Variants in ITGAE observed in about 807,000 individuals in gnomAD.
ITGAE encodes the protein integrin subunit alpha E.
A neutral mutation model predicts 136.5 loss-of-function variants in ITGAE; 99 were observed. The ratio of observed to expected loss-of-function variants is 0.73; its 90% CI spans 0.62 to 0.86. The LOEUF (loss-of-function observed/expected upper bound fraction) is 0.86, where lower values mean the gene tolerates loss of function less well. ITGAE is among the 40% of genes least tolerant of loss of function. The pLI is 0.00. For missense variants in ITGAE, 1,447 were observed against 1,515.3 expected, an observed-to-expected ratio of 0.95 and a Z score of 0.75; for synonymous variants, 613 against 591.8, an observed-to-expected ratio of 1.04 and a Z score of -0.52.
rs764104706 is a variant in ITGAE at position 3,755,176 on chromosome 17, A to C, written c.1325T>G (p.Phe442Cys). The change falls in exon 12 of 31, where the codon TTC (phenylalanine) becomes TGC (cysteine). Residue 442 changes from phenylalanine to cysteine, a missense_variant. Coordinates refer to ENST00000263087, the MANE Select transcript of ITGAE (RefSeq NM_002208.5). ...LYDTRSRRGR[F>C]LNQTAAAAAD... Reference sequence around the variant, plus strand: ...CGCCGCCGCCGCTGTCTGGTTCAGGAAGCGGCCCCGGCGGCTGCGTGTGTC... The same window carrying C: ...CGCCGCCGCCGCTGTCTGGTTCAGGCAGCGGCCCCGGCGGCTGCGTGTGTC... The C allele has an allele frequency of 6.4e-7, 1 of 1,565,722 alleles. No individual in the cohort carries two copies. The highest frequency in any genetic ancestry group is 1.4e-5 in the African/African-American group (1 of 72,794).
chr17:3,755,190 G>C lies in ITGAE; in HGVS notation c.1311C>G (p.Ser437Arg), dbSNP rs781754799. 6.3e-7 allele frequency: 1 copy of C among 1,578,248 alleles called. No homozygotes were observed. Among genetic ancestry groups the C allele is most frequent in the Non-Finnish European group, 8.6e-7 (1 of 1,167,396 alleles). The change falls in exon 12 of 31, where the codon AGC becomes AGG. Residue 437 changes from serine to arginine, a missense_variant. By Grantham distance (110) the Ser-to-Arg change is moderately radical. Coordinates refer to ENST00000263087, the MANE Select transcript of ITGAE (RefSeq NM_002208.5). ...SGGALLYDTR[S>R]RRGRFLNQTA... ...TCTGGTTCAGGAAGCGGCCCCGGCG[G>C]CTGCGTGTGTCGTAGAGCAACGCCC... is the stretch of plus-strand genomic sequence containing the variant.
In ITGAE at chr17:3,728,146, T is replaced by G; in HGVS notation, c.2935A>C (p.Thr979Pro). The part of the protein sequence containing the change: ...LSKPSIMYVN[T>P]GQGLSHHKEF... ...TTGTGGTGAGAAAGCCCCTGGCCTG[T>G]GTTCACGTACATTATGGATGGTCTG... is the stretch of plus-strand genomic sequence containing the variant. The change falls in exon 25 of 31, where the codon ACA (threonine) becomes CCA (proline). Residue 979 changes from threonine to proline, a missense_variant. Physicochemically the swap from Thr to Pro is conservative, Grantham distance 38. Coordinates refer to ENST00000263087, the MANE Select transcript of ITGAE (RefSeq NM_002208.5). The G allele has an allele frequency of 1.2e-6, 2 of 1,613,388 alleles. No individual in the cohort carries two copies. The highest frequency in any genetic ancestry group is 1.7e-6 in the Non-Finnish European group (2 of 1,179,278).
chr17:3,779,273 G>A (rs956292967), intron 1 of ITGAE, among the ~76,000 whole-genome samples: 1 of 152,028 alleles, frequency 6.6e-6, no homozygotes, highest in African/African-American at 2.4e-5. Flanking sequence ...TTGTTGATAT[G>A]TATGCTGAAA....
At chr17:3,724,323 T>A (rs766386347) in intron 26 of ITGAE, 1 of 1,587,482 alleles carries the variant, frequency 6.3e-7, no homozygotes, top group Non-Finnish European at 8.5e-7. Context: ...CAGCACACCC[T>A]GCGGCCCGCT....
rs535444346 is a variant in ITGAE, at chr17:3,748,035, C to A, written c.2042G>T (p.Arg681Leu). Reference sequence around the variant, plus strand: ...GGTGAAGGCCATGGAGACCTTCAGGCGAACCACAGGCCGGGAGCTAAACAA... The same window carrying A: ...GGTGAAGGCCATGGAGACCTTCAGGAGAACCACAGGCCGGGAGCTAAACAA... Reference protein sequence around the residue: ...AVVFRSRPVVRLKVSMAFTPS... With the variant: ...AVVFRSRPVVLLKVSMAFTPS... Residue 681 changes from arginine (R) to leucine (L), a missense_variant, in exon 17 of 31, where the codon CGC (arginine) becomes CTC (leucine). By Grantham distance (102) the Arg-to-Leu change is moderately radical. Coordinates refer to ENST00000263087, the MANE Select transcript of ITGAE (RefSeq NM_002208.5). The A allele has an allele frequency of 6.2e-7, 1 of 1,611,322 alleles. No homozygotes were observed. Among genetic ancestry groups the A allele is most frequent in the African/African-American group, 1.3e-5 (1 of 74,814 alleles).
At chr17:3,734,691 A>G (rs1221552192) in intron 21 of ITGAE, 126 bp downstream of exon 21, 1 of 1,157,250 alleles carries the variant, frequency 8.6e-7, no homozygotes, top group Non-Finnish European at 1.3e-6. Flanking sequence ...GTTATTAACC[A>G]TCTGTTGGTT....
chr17:3,741,668 G>A (rs572385111), intron 19 of ITGAE, among the ~76,000 whole-genome samples: 21 of 152,290 alleles, frequency 1.4e-4, no homozygotes, highest in South Asian at 1.2e-3. Context: ...AAAATGAGAC[G>A]TGCTTATTAA....
At chr17:3,783,935 T>C (rs780511483) in intron 1 of ITGAE, among the ~76,000 whole-genome samples, 3 of 152,214 alleles carry the variant, frequency 2.0e-5, no homozygotes, top group Non-Finnish European at 4.4e-5. Flanking sequence ...TGGGAGACTT[T>C]AACACTTTAA....
chr17:3,726,380 G>C, intron 26 of ITGAE: 1 of 1,322,174 alleles, frequency 7.6e-7, no homozygotes. Context: ...TGGTCTTGAA[G>C]CCTCTGGTGC....
chr17:3,782,013 T>C (rs2052676701), intron 1 of ITGAE, among the ~76,000 whole-genome samples: 1 of 151,982 alleles, frequency 6.6e-6, no homozygotes. Context: ...CGGTGGCTCA[T>C]GCCTATAATC....
chr17:3,768,431 G>A (rs1021051054), intron 2 of ITGAE, among the ~76,000 whole-genome samples: 12 of 152,170 alleles, frequency 7.9e-5, no homozygotes, highest in African/African-American at 2.9e-4. Context: ...TTTCAGGCAT[G>A]AGCCACAGCA....
Position 3,750,402 on chromosome 17 carries a change from G to T in ITGAE, c.1974C>A (p.Asp658Glu). The T allele has an allele frequency of 1.2e-6, 2 of 1,614,180 alleles. No individual in the cohort carries two copies. The highest frequency in any genetic ancestry group is 1.7e-6 in the Non-Finnish European group (2 of 1,180,040). ...SMAGGFDISGDGLADITVGTL... is the reference protein window; with the variant it reads ...SMAGGFDISGEGLADITVGTL... ...TGCCCACGGTGATGTCGGCAAGGCC[G>T]TCGCCACTAATATCAAAGCCACCAG... is the stretch of plus-strand genomic sequence containing the variant. Residue 658 changes from aspartate to glutamate, a missense_variant, in exon 16 of 31, where the codon GAC becomes GAA. Asp to Glu is a conservative substitution (Grantham distance 45, BLOSUM62 2). Transcript: ENST00000263087.
intron 26 of ITGAE, chr17:3,724,161 G>T: frequency 6.3e-7 from 1 of 1,594,272 alleles, no homozygotes; most frequent in Non-Finnish European, 8.5e-7. Context: ...CGGCAGCCCG[G>T]TGAGGCGGCG....
chr17:3,792,320 C>T lies in ITGAE; in HGVS notation c.34+8791G>A, dbSNP rs528594521. 1.2e-4 allele frequency among the ~76,000 whole-genome samples: 19 copies of T among 152,234 alleles called. 1 individual carries two copies. Among genetic ancestry groups the T allele is most frequent in the Middle Eastern group, 6.8e-3 (2 of 294 alleles). On this transcript the variant is annotated intron_variant, in intron 1 of 30. Transcript: ENST00000263087. Reference sequence around the variant, plus strand: ...TATTTTTAGTAGAGGTGGGGTTTCACCATATTGCCCAGGCTGGTATTGAAC... The same window carrying T: ...TATTTTTAGTAGAGGTGGGGTTTCATCATATTGCCCAGGCTGGTATTGAAC...
intron 2 of ITGAE, among the ~76,000 whole-genome samples, chr17:3,776,058 T>C (rs2052531846): frequency 1.4e-5 from 2 of 145,942 alleles, no homozygotes; most frequent in South Asian, 2.3e-4. Flanking sequence ...TAAGCCCTTT[T>C]TTTTTTTTTT....
intron 20 of ITGAE, among the ~76,000 whole-genome samples, chr17:3,735,588 G>A (rs1567520651): frequency 6.6e-6 from 1 of 152,204 alleles, no homozygotes; most frequent in Non-Finnish European, 1.5e-5. Context: ...GGGATTACAG[G>A]TGTAAGCCAC....
At chr17:3,718,538 C>A (rs2050984441) in intron 29 of ITGAE, among the ~76,000 whole-genome samples, 1 of 152,176 alleles carries the variant, frequency 6.6e-6, no homozygotes, top group South Asian at 2.1e-4. Flanking sequence ...TTTCTTGTGG[C>A]TGAAATGCAT....
At chr17:3,797,143 ATATATATATATATAT>A (rs1204552724) in intron 1 of ITGAE, among the ~76,000 whole-genome samples, 42 of 40,958 alleles carry the variant, frequency 1.0e-3, no homozygotes, top group African/African-American at 2.5e-3. Context: ...GAAACTAAAT[ATATATATATATATAT>A]TTTTTTTTTT....
intron 28 of ITGAE, 36 bp downstream of exon 28, chr17:3,723,252 G>A (rs1162316056): frequency 1.5e-6 from 2 of 1,359,596 alleles, no homozygotes; most frequent in Non-Finnish European, 2.1e-6. Context: ...GTGAGCAACT[G>A]GATAATCAAA....
Sources: gnomAD v4.1 joint callset for allele counts (sites outside exome capture counted in the v4.1 genomes callset) on GRCh38, gnomAD v4.1.1 for gene constraint, MANE v1.5 for transcripts, NCBI Gene and HGNC (gene_info 2026-07-23, HGNC 2026-07-21) for gene names.